The following GSN variants were observed in gnomAD, a reference collection of about 807,000 sequenced individuals.
GSN encodes the protein actin-depolymerizing factor.
Under a neutral mutation model 85.7 loss-of-function variants are expected in GSN, and 56 were observed. The observed-to-expected ratio is 0.65, with a 90% CI of 0.53 to 0.82. GSN has a LOEUF of 0.82. Ranked by LOEUF, GSN falls within the 40% of genes least tolerant of loss-of-function variation. GSN has a pLI of 0.00. For missense variants in GSN, 857 were observed against 979.8 expected (o/e 0.87, Z 1.67); for synonymous variants, 373 against 399.1 (o/e 0.93, Z 0.78).
intron 11 of GSN, 74 bp downstream of exon 11, chr9:121,321,475 A>AG (rs1304177107): frequency 1.1e-5 from 16 of 1,460,154 alleles, no homozygotes; most frequent in Non-Finnish European, 1.5e-5. Context: ...AGACAAACTG[A>AG]GGGTGTGAGG....
chr9:121,270,372 G>A (rs1426448294), intron 1 of GSN, among the ~76,000 whole-genome samples: 2 of 152,068 alleles, frequency 1.3e-5, no homozygotes, highest in Non-Finnish European at 2.9e-5. Context: ...CATTGAACGA[G>A]GCTGATCTGG....
chr9:121,312,674 C>A, intron 6 of GSN, 186 bp downstream of exon 6: 1 of 546,950 alleles, frequency 1.8e-6, no homozygotes, highest in Non-Finnish European at 3.1e-6. Flanking sequence ...GTTGCCTGAG[C>A]TGGAGTGCAG....
chr9:121,277,611 A>G (rs901785766), intron 1 of GSN, among the ~76,000 whole-genome samples: 6 of 151,602 alleles, frequency 4.0e-5, no homozygotes, highest in African/African-American at 1.5e-4. Flanking sequence ...TTATCTGTCT[A>G]TTTTATCTGC....
chr9:121,262,540 C>T (rs12003387), intron 6 of GSN, among the ~76,000 whole-genome samples: 5,994 of 152,292 alleles, frequency 0.039, 423 homozygotes, highest in African/African-American at 0.14. Flanking sequence ...GGAGGAAGAA[C>T]CTCCAGGCAG....
At position 121,332,689 on chromosome 9, in the gene GSN, C is replaced by T; in HGVS notation, c.*86C>T. ...AGAGGCCTTAGAGCGAGCAGAGCAG[C>T]TCTGCTATGAGTGTGTGTGTGTGTG... On this transcript the variant is annotated 3_prime_UTR_variant, in exon 18 of 18. Transcript: ENST00000432226. This position sits in a 1 kb window ranked among gnomAD's most constrained non-coding sequence, Gnocchi z 4.8. 2 of 1,012,444 alleles carry T rather than the reference C, an allele frequency of 2.0e-6. No individual in the cohort carries two copies. Among genetic ancestry groups the T allele is most frequent in the Non-Finnish European group, 3.0e-6 (2 of 660,348 alleles). The allele number at this position is 1,012,444 out of a possible 1,614,324, so 62.7% of individuals were successfully genotyped here. A position where few individuals can be genotyped will look rare whatever the true frequency, so the allele number is the denominator to read the frequency against.
intron 6 of GSN, chr9:121,313,406 C>T (rs2061385414): frequency 4.7e-6 from 1 of 214,410 alleles, no homozygotes; most frequent in Non-Finnish European, 9.5e-6. Context: ...TGGGAAGGGA[C>T]CTGGACACCA....
At chr9:121,301,780 C>G in intron 2 of GSN, 183 bp from the exon 3 acceptor site, 1 of 851,236 alleles carries the variant, frequency 1.2e-6, no homozygotes, top group Admixed American at 2.1e-5. Context: ...GCATAAAACT[C>G]TTGCCCTGTT....
intron 2 of GSN, among the ~76,000 whole-genome samples, chr9:121,288,767 A>G (rs2058389155): frequency 6.6e-6 from 1 of 152,132 alleles, no homozygotes; most frequent in Admixed American, 6.5e-5. Context: ...TATGGCACAT[A>G]CTTCTAAGGG....
chr9:121,246,295 G>T (rs2054698572), intron 5 of GSN, among the ~76,000 whole-genome samples: 1 of 152,122 alleles, frequency 6.6e-6, no homozygotes, highest in Admixed American at 6.5e-5. Flanking sequence ...TGTGAAGATA[G>T]TTGTCTGAGG....
chr9:121,209,485 A>C (rs775233445), intron 2 of GSN: 8 of 152,354 alleles, frequency 5.3e-5, no homozygotes, highest in Admixed American at 3.9e-4. Context: ...TAGTGCCTAC[A>C]AATACATGAG....
At chr9:121,323,052 C>T (rs1410880429) in intron 11 of GSN, among the ~76,000 whole-genome samples, 2 of 152,080 alleles carry the variant, frequency 1.3e-5, no homozygotes, top group African/African-American at 4.8e-5. Flanking sequence ...CCAGGCTGGT[C>T]TCGAACTCCT....
chr9:121,249,518 G>T (rs2054772996), intron 6 of GSN, among the ~76,000 whole-genome samples: 1 of 151,998 alleles, frequency 6.6e-6, no homozygotes. Flanking sequence ...ACCATGAAGT[G>T]GTTCATGCCA....
At chr9:121,269,856 G>A (rs1239033706) in intron 1 of GSN, among the ~76,000 whole-genome samples, 2 of 152,198 alleles carry the variant, frequency 1.3e-5, no homozygotes, top group Non-Finnish European at 2.9e-5. Context: ...GCCCCGCATG[G>A]CATTTCCTTC....
chr9:121,220,532 C>T (rs1329036454), intron 4 of GSN, among the ~76,000 whole-genome samples: 1 of 146,224 alleles, frequency 6.8e-6, no homozygotes, highest in Non-Finnish European at 1.5e-5. Context: ...CACGGTCACT[C>T]AGCCAATGGG....
chr9:121,312,181 A>T (rs902706065), intron 5 of GSN, 158 bp from the exon 6 acceptor site: 11 of 739,480 alleles, frequency 1.5e-5, no homozygotes, highest in Non-Finnish European at 2.6e-5. Flanking sequence ...ACTTAATTGT[A>T]CGTAAATAAT....
chr9:121,271,433 C>T (rs1564379736), intron 1 of GSN, among the ~76,000 whole-genome samples: 1 of 152,172 alleles, frequency 6.6e-6, no homozygotes, highest in African/African-American at 2.4e-5. Context: ...TGATTCCTTG[C>T]AACCATTCCT....
At chr9:121,204,971 G>A (rs1459054924), upstream of GSN, among the ~76,000 whole-genome samples, 3 of 152,200 alleles carry the variant, frequency 2.0e-5, no homozygotes, top group Non-Finnish European at 4.4e-5. Flanking sequence ...TTTATTCCAT[G>A]TATACATCTC....
chr9:121,224,883 A>G (rs2054244654), intron 4 of GSN, among the ~76,000 whole-genome samples: 1 of 152,196 alleles, frequency 6.6e-6, no homozygotes, highest in Non-Finnish European at 1.5e-5. Flanking sequence ...CAGCAGCACA[A>G]TCATGGCTCA....
chr9:121,225,167 C>A (rs1385082968), intron 4 of GSN, among the ~76,000 whole-genome samples: 1 of 152,184 alleles, frequency 6.6e-6, no homozygotes, highest in Non-Finnish European at 1.5e-5. Context: ...TAAGTTAGTT[C>A]TGTAGTTTCT....
Sources: gnomAD v4.1 joint callset for allele counts (sites outside exome capture counted in the v4.1 genomes callset) on GRCh38, gnomAD v4.1.1 for gene constraint, Gnocchi (gnomAD v3.1) non-coding constraint, MANE v1.5 for transcripts, NCBI Gene and HGNC (gene_info 2026-07-23, HGNC 2026-07-21) for gene names.